Variants in MYLK4 observed in about 807,000 individuals in gnomAD.
The protein encoded by MYLK4 is myosin light chain kinase family member 4.
In MYLK4, 46 loss-of-function variants were observed where a neutral mutation model predicts 48.1. That is an observed-to-expected ratio of 0.96 (90% CI 0.75 to 1.22). The LOEUF is 1.22. Among genes scored for constraint, MYLK4 ranks in the 50% most tolerant of loss-of-function variants. MYLK4 has a pLI of 0.00. For missense variants in MYLK4, 451 were observed against 486.1 expected (o/e 0.93, Z 0.68); for synonymous variants, 170 against 180.8 (o/e 0.94, Z 0.48).
the MYLK4 span, chr6:2,768,992 C>A: frequency 8.7e-7 from 1 of 1,144,146 alleles, no homozygotes; most frequent in Non-Finnish European, 1.2e-6. Context: ...TACAAAGAAG[C>A]GTAGGCTTGT....
At position 2,685,272 on chromosome 6, in the gene MYLK4, G is replaced by A. The variant is rs1761484615; in HGVS notation, c.545+24C>T. 6.4e-7 allele frequency: 1 copy of A among 1,565,438 alleles called. No homozygotes were observed. Among genetic ancestry groups the A allele is most frequent in the Non-Finnish European group, 8.8e-7 (1 of 1,138,286 alleles). On this transcript the variant is annotated intron_variant, in intron 6 of 12. Coordinates refer to ENST00000274643, the MANE Select transcript of MYLK4 (RefSeq NM_001012418.5). This position sits in a 1 kb window ranked among gnomAD's most constrained non-coding sequence, Gnocchi z 4.5. ...TCATGAGTGCCCTTGGGGAGGTCAG[G>A]GAGGGGGCGGAGGGGATACGTACTA...
rs757954497 is a variant in MYLK4 at position 2,749,244 on chromosome 6, G to C, written c.51C>G (p.Asn17Lys). 1.3e-5 allele frequency: 21 copies of C among 1,613,974 alleles called. No individual in the cohort carries two copies. In the East Asian group the frequency reaches 1.3e-4, roughly 10 times the overall value. Residue 17 changes from asparagine (N) to lysine (K), a missense_variant, in exon 2 of 13, where the codon AAC becomes AAG. Physicochemically the swap from Asn to Lys is moderately conservative, Grantham distance 94. Coordinates refer to ENST00000274643, the MANE Select transcript of MYLK4 (RefSeq NM_001012418.5). Reference sequence around the variant, plus strand: ...GAAAAAAGGCCATTTTCTCCAGCTGGTTGCTGTTATAACACGTGTTGAATT... The same window carrying C: ...GAAAAAAGGCCATTTTCTCCAGCTGCTTGCTGTTATAACACGTGTTGAATT... ...LEEFNTCYNS[N>K]QLEKMAFFQC...
the MYLK4 span, among the ~76,000 whole-genome samples, chr6:2,762,642 T>C: frequency 6.6e-6 from 1 of 152,254 alleles, no homozygotes; most frequent in Non-Finnish European, 1.5e-5. Context: ...CAATAATCCT[T>C]ATGTGCTCGC....
intron 2 of MYLK4, among the ~76,000 whole-genome samples, chr6:2,731,414 G>A (rs976896582): frequency 6.6e-6 from 1 of 152,204 alleles, no homozygotes. Context: ...AGCCATGGCT[G>A]CTGGAGGTGC....
At chr6:2,756,517 G>A in the MYLK4 span, among the ~76,000 whole-genome samples, 1 of 152,216 alleles carries the variant, frequency 6.6e-6, no homozygotes, top group Admixed American at 6.5e-5. Flanking sequence ...AGTGTTTTTT[G>A]CTACGGGGGT....
chr6:2,707,202 T>TA (rs921543848), intron 2 of MYLK4, among the ~76,000 whole-genome samples: 11 of 151,986 alleles, frequency 7.2e-5, no homozygotes, highest in East Asian at 3.9e-4. Flanking sequence ...AACTGTGAAA[T>TA]AAAAAAAACT....
chr6:2,748,000 T>C (rs1046628757), intron 2 of MYLK4, among the ~76,000 whole-genome samples: 5 of 152,190 alleles, frequency 3.3e-5, no homozygotes, highest in Non-Finnish European at 1.5e-5. Context: ...TTGTCATTTC[T>C]TATTCACTTA....
intron 2 of MYLK4, among the ~76,000 whole-genome samples, chr6:2,721,938 G>T (rs1354285100): frequency 1.3e-5 from 2 of 152,170 alleles, no homozygotes; most frequent in Admixed American, 1.3e-4. Context: ...GAAATGTAAG[G>T]TCTCAAAAAT....
At chr6:2,766,640 C>A in the MYLK4 span, among the ~76,000 whole-genome samples, 3 of 152,120 alleles carry the variant, frequency 2.0e-5, no homozygotes, top group Non-Finnish European at 4.4e-5. Flanking sequence ...GGGCACACAC[C>A]CCCAGATTGG....
At chr6:2,745,659 T>G (rs1764060453) in intron 2 of MYLK4, among the ~76,000 whole-genome samples, 1 of 152,120 alleles carries the variant, frequency 6.6e-6, no homozygotes, top group Non-Finnish European at 1.5e-5. Context: ...ACACAGCAGC[T>G]CATGCCTGTA....
the MYLK4 span, chr6:2,770,021 A>G: frequency 2.0e-6 from 3 of 1,530,658 alleles, no homozygotes; most frequent in Non-Finnish European, 2.7e-6. Context: ...TCGAAAGATA[A>G]AAATGAGGAA....
At position 2,666,807 on chromosome 6, in the gene MYLK4, T is replaced by C. The variant is rs1027099586; in HGVS notation, c.*1118A>G. On this transcript the variant is annotated 3_prime_UTR_variant, in exon 13 of 13. Coordinates refer to ENST00000274643, the MANE Select transcript of MYLK4 (RefSeq NM_001012418.5). The stretch of plus-strand genomic sequence containing the variant: ...CATGAAATGGCACACAGGCTAGGCA[T>C]AGGAACCTTCCAACTGGAACGTTCC... 5 of 152,270 alleles carry C rather than the reference T, an allele frequency of 3.3e-5. No homozygotes were observed. The highest frequency in any genetic ancestry group is 5.9e-5 in the Non-Finnish European group (4 of 68,058). The allele number at this position is 152,270 out of a possible 1,614,324, so 9.4% of individuals were successfully genotyped here.
chr6:2,690,274 C>T (rs1032269606), intron 3 of MYLK4, among the ~76,000 whole-genome samples: 1 of 152,162 alleles, frequency 6.6e-6, no homozygotes, highest in Admixed American at 6.5e-5. Context: ...CCTGTGCCGA[C>T]TATGTCTACT....
chr6:2,690,394 A>C (rs1761731574), intron 3 of MYLK4, among the ~76,000 whole-genome samples: 1 of 152,168 alleles, frequency 6.6e-6, no homozygotes, highest in Non-Finnish European at 1.5e-5. Context: ...CCTACTGCTG[A>C]ACTTCCAGGG....
chr6:2,694,510 TGGC>T (rs1561845871), intron 2 of MYLK4, among the ~76,000 whole-genome samples: 39 of 22,590 alleles, frequency 1.7e-3, no homozygotes, highest in Middle Eastern at 0.013. Flanking sequence ...GTGGTGGTGG[TGGC>T]GGTGGTGGTG....
the MYLK4 span, chr6:2,765,422 G>C: frequency 1.9e-6 from 1 of 519,120 alleles, no homozygotes; most frequent in Non-Finnish European, 2.8e-6. Context: ...GTGAGGCGCT[G>C]CCAGCGGCCG....
chr6:2,768,263 G>A, the MYLK4 span, among the ~76,000 whole-genome samples: 3 of 152,128 alleles, frequency 2.0e-5, no homozygotes, highest in Non-Finnish European at 2.9e-5. Flanking sequence ...CTTCCAGTTC[G>A]GGCTGTGGTT....
At chr6:2,766,115 G>A in the MYLK4 span, 3 of 1,323,424 alleles carry the variant, frequency 2.3e-6, no homozygotes, top group Non-Finnish European at 2.9e-6. Context: ...GGCGCAGGAG[G>A]AGGAGGAGGC....
chr6:2,717,776 C>G (rs1762919883), intron 2 of MYLK4, among the ~76,000 whole-genome samples: 1 of 152,214 alleles, frequency 6.6e-6, no homozygotes, highest in African/African-American at 2.4e-5. Flanking sequence ...TCTTCTGACT[C>G]CACATTCAGT....
Sources: gnomAD v4.1 joint callset for allele counts (sites outside exome capture counted in the v4.1 genomes callset) on GRCh38, gnomAD v4.1.1 for gene constraint, Gnocchi (gnomAD v3.1) non-coding constraint, MANE v1.5 for transcripts, NCBI Gene and HGNC (gene_info 2026-07-23, HGNC 2026-07-21) for gene names.